DIAPH2: variants seen among roughly 807,000 people sequenced by gnomAD.
DIAPH2 encodes the protein protein diaphanous homolog 2.
Under a neutral mutation model 92.7 loss-of-function variants are expected in DIAPH2, and 35 were observed. The ratio of observed to expected loss-of-function variants is 0.38; its 90% CI spans 0.29 to 0.50. DIAPH2 has a LOEUF of 0.50. Ranked by LOEUF, DIAPH2 falls within the 20% of genes least tolerant of loss-of-function variation. The pLI, the probability that DIAPH2 is intolerant of heterozygous loss-of-function variation, is 0.94. For missense variants in DIAPH2, 701 were observed against 819.5 expected (o/e 0.86, Z 1.77); for synonymous variants, 301 against 280.4 (o/e 1.07, Z -0.73).
At chrX:97,076,642 AC>A (rs1341435442) in intron 19 of DIAPH2, among the ~76,000 whole-genome samples, 1 of 112,145 alleles carries the variant, frequency 8.9e-6, no homozygotes, top group Non-Finnish European at 1.9e-5. Context: ...ATCTCAGAGA[AC>A]CTGCATATAT....
intron 4 of DIAPH2, among the ~76,000 whole-genome samples, chrX:96,829,977 G>A (rs1253077118): frequency 1.8e-5 from 2 of 108,829 alleles, no homozygotes; most frequent in Non-Finnish European, 3.8e-5. Flanking sequence ...AAACTGGAAC[G>A]GAAGTGCACT....
chrX:96,699,663 T>C (rs1290956671), intron 1 of DIAPH2, among the ~76,000 whole-genome samples: 1 of 112,278 alleles, frequency 8.9e-6, no homozygotes, highest in African/African-American at 3.2e-5. Flanking sequence ...AAAATTTCTG[T>C]GGCTCCTCAG....
At chrX:96,795,951 C>T (rs1323031567) in intron 4 of DIAPH2, among the ~76,000 whole-genome samples, 3 of 110,715 alleles carry the variant, frequency 2.7e-5, no homozygotes, top group African/African-American at 9.9e-5. Flanking sequence ...TTTGTGTCTG[C>T]AGTTTTCACA....
chrX:97,235,665 C>T (rs1307031927), intron 22 of DIAPH2, among the ~76,000 whole-genome samples: 2 of 108,519 alleles, frequency 1.8e-5, no homozygotes, highest in Non-Finnish European at 3.8e-5. Flanking sequence ...AGTCTTTCAG[C>T]GCTTTCTCAC....
rs11795497 is a variant in DIAPH2, at chrX:97,194,491, A to T, written c.2719+52697A>T. Among the ~76,000 whole-genome samples the T allele has an allele frequency of 1.2e-4, 13 of 108,808 alleles. No homozygotes were observed. In the South Asian group the frequency reaches 4.5e-3, roughly 37 times the overall value. 94.5% of individuals were successfully genotyped at this position (108,808 alleles called of 115,157 possible). A position where few individuals can be genotyped will look rare whatever the true frequency, so the allele number is the denominator to read the frequency against. On this transcript the variant is annotated intron_variant, in intron 22 of 26. Transcript: ENST00000324765. ...AGTAGAGACGGGGTTTCACTGTGTTAGCCAGGATGGTCTCGATCTCCCGAC... is the reference window on the plus strand; with the variant it reads ...AGTAGAGACGGGGTTTCACTGTGTTTGCCAGGATGGTCTCGATCTCCCGAC...
At chrX:97,238,582 T>C (rs1278995298) in intron 22 of DIAPH2, among the ~76,000 whole-genome samples, 4 of 110,487 alleles carry the variant, frequency 3.6e-5, no homozygotes, top group African/African-American at 3.3e-5. Flanking sequence ...TTTTTTTTTT[T>C]TTCCCCCTAA....
chrX:97,518,627 T>G, intron 26 of DIAPH2, among the ~76,000 whole-genome samples: 1 of 110,405 alleles, frequency 9.1e-6, no homozygotes, highest in Non-Finnish European at 1.9e-5. Context: ...CTATTTAATC[T>G]AGAAAGCTTC....
At chrX:97,335,258 T>C (rs895548548) in intron 23 of DIAPH2, among the ~76,000 whole-genome samples, 3 of 111,828 alleles carry the variant, frequency 2.7e-5, no homozygotes, top group Admixed American at 9.6e-5. Context: ...TAGTTTCTGC[T>C]ACTGAGGCTC....
At chrX:97,412,245 A>G (rs2069883543) in intron 25 of DIAPH2, among the ~76,000 whole-genome samples, 1 of 112,138 alleles carries the variant, frequency 8.9e-6, no homozygotes, top group South Asian at 3.8e-4. Flanking sequence ...CAGGATTAAG[A>G]AACTCACTCA....
intron 4 of DIAPH2, among the ~76,000 whole-genome samples, chrX:96,833,400 G>A (rs1284643400): frequency 1.8e-5 from 2 of 110,713 alleles, no homozygotes; most frequent in Non-Finnish European, 3.8e-5. Flanking sequence ...GTTAAGGTAG[G>A]AAATTATGAT....
At chrX:97,325,732 C>A (rs1263295260) in intron 23 of DIAPH2, among the ~76,000 whole-genome samples, 1 of 110,636 alleles carries the variant, frequency 9.0e-6, no homozygotes, top group East Asian at 2.8e-4. Flanking sequence ...CGCCCGCCAC[C>A]GCGCCCAGCT....
At chrX:96,757,321 T>A (rs967738105) in intron 3 of DIAPH2, among the ~76,000 whole-genome samples, 1 of 111,881 alleles carries the variant, frequency 8.9e-6, no homozygotes, top group African/African-American at 3.3e-5. Flanking sequence ...TATATCTGGG[T>A]ACACATCTAT....
intron 10 of DIAPH2, 99 bp from the exon 11 acceptor site, chrX:96,937,134 C>G (rs2065663089): frequency 2.6e-6 from 1 of 382,720 alleles, no homozygotes; most frequent in African/African-American, 2.6e-5. Context: ...GAAATTGCTT[C>G]TGTGTTTATA....
In DIAPH2 at chrX:97,337,873, ATT is replaced by A. The variant is rs772010711; in HGVS notation, c.2845-10226_2845-10225del. Among the ~76,000 whole-genome samples, 757 of 92,662 alleles carry A rather than the reference ATT, an allele frequency of 8.2e-3. 7 individuals are homozygous for A. Among genetic ancestry groups the A allele is most frequent in the African/African-American group, 0.029 (719 of 25,098 alleles). 80.5% of individuals were successfully genotyped at this position (92,662 alleles called of 115,157 possible). A position where few individuals can be genotyped will look rare whatever the true frequency, so the allele number is the denominator to read the frequency against. ...AGCCATGCCTCAGTTTTATAATCTG[ATT>A]TTTTTTTTTTTTTTTTGAAACTGAG... On this transcript the variant is annotated intron_variant, in intron 23 of 26. Coordinates refer to ENST00000324765, the MANE Select transcript of DIAPH2 (RefSeq NM_006729.5).
At chrX:97,161,401 G>C (rs898525813) in intron 22 of DIAPH2, among the ~76,000 whole-genome samples, 7 of 110,549 alleles carry the variant, frequency 6.3e-5, no homozygotes, top group Non-Finnish European at 1.3e-4. Context: ...GTTTTTTGTG[G>C]GTTTTTTGTT....
intron 26 of DIAPH2, among the ~76,000 whole-genome samples, chrX:97,436,414 C>G (rs899466637): frequency 9.0e-6 from 1 of 111,153 alleles, no homozygotes; most frequent in Non-Finnish European, 1.9e-5. Context: ...ACCAAGAAAA[C>G]TAAATTTCAA....
intron 25 of DIAPH2, among the ~76,000 whole-genome samples, chrX:97,410,861 A>G (rs1602570579): frequency 8.9e-6 from 1 of 112,096 alleles, no homozygotes; most frequent in Middle Eastern, 4.6e-3. Context: ...AAGAAAAAAG[A>G]GTAAAAAGAA....
At chrX:97,043,039 A>G (rs1185583361) in intron 17 of DIAPH2, among the ~76,000 whole-genome samples, 1 of 111,695 alleles carries the variant, frequency 9.0e-6, no homozygotes, top group African/African-American at 3.2e-5. Flanking sequence ...AAAAATACAA[A>G]ACCAAGTAGA....
At chrX:97,084,970 T>A (rs1376947295) in intron 19 of DIAPH2, among the ~76,000 whole-genome samples, 3 of 112,151 alleles carry the variant, frequency 2.7e-5, no homozygotes, top group African/African-American at 9.7e-5. Flanking sequence ...AAATTATTCA[T>A]GTCTTTGGTG....
Sources: gnomAD v4.1 joint callset for allele counts (sites outside exome capture counted in the v4.1 genomes callset) on GRCh38, gnomAD v4.1.1 for gene constraint, MANE v1.5 for transcripts, NCBI Gene and HGNC (gene_info 2026-07-23, HGNC 2026-07-21) for gene names.